Variants in DENND1A observed in about 807,000 individuals in gnomAD.
DENND1A encodes DENN domain-containing protein 1A.
DENND1A carries 51 observed loss-of-function variants against 113.7 expected under a neutral mutation model. The observed-to-expected ratio is 0.45, with a 90% CI of 0.36 to 0.57. The LOEUF is 0.57. DENND1A is among the 20% of genes least tolerant of loss of function. DENND1A has a pLI of 0.00. For synonymous variants in DENND1A, 565 were observed against 570.8 expected, an observed-to-expected ratio of 0.99 and a Z score of 0.14; for missense variants, 1,258 against 1,395.9, an observed-to-expected ratio of 0.90 and a Z score of 1.57.
chr9:123,807,623 T>C (rs1382904211), intron 2 of DENND1A, among the ~76,000 whole-genome samples: 2 of 152,124 alleles, frequency 1.3e-5, no homozygotes. Flanking sequence ...CAGCACAGAG[T>C]AGGCTGCCTT....
intron 19 of DENND1A, chr9:123,414,732 A>C: frequency 8.9e-7 from 1 of 1,129,438 alleles, no homozygotes; most frequent in Non-Finnish European, 1.3e-6. Context: ...ACCCATGAAT[A>C]TCCCCTGGAA....
chr9:123,428,476 C>T (rs2045905148), intron 19 of DENND1A, among the ~76,000 whole-genome samples: 1 of 152,160 alleles, frequency 6.6e-6, no homozygotes, highest in Non-Finnish European at 1.5e-5. Context: ...GTAACATTCC[C>T]CTTGAAAACC....
intron 12 of DENND1A, among the ~76,000 whole-genome samples, chr9:123,558,105 C>A (rs2057530562): frequency 6.6e-6 from 1 of 152,184 alleles, no homozygotes; most frequent in Admixed American, 6.5e-5. Flanking sequence ...TTACTCCATG[C>A]CAGGTAAGCA....
intron 19 of DENND1A, chr9:123,414,279 G>A: frequency 7.4e-7 from 1 of 1,343,236 alleles, no homozygotes; most frequent in Non-Finnish European, 9.5e-7. Flanking sequence ...TGGACGTCAG[G>A]TTCTTTGCAC....
chr9:123,903,642 C>A (rs1204902366), intron 1 of DENND1A, among the ~76,000 whole-genome samples: 1 of 152,136 alleles, frequency 6.6e-6, no homozygotes, highest in Non-Finnish European at 1.5e-5. Flanking sequence ...TCACTCCCAC[C>A]CGAATATTGC....
intron 1 of DENND1A, among the ~76,000 whole-genome samples, chr9:123,903,851 G>A (rs1195513361): frequency 3.9e-5 from 6 of 152,110 alleles, no homozygotes; most frequent in African/African-American, 1.2e-4. Context: ...CAGGAAGCTC[G>A]AACTGGGTGG....
intron 13 of DENND1A, among the ~76,000 whole-genome samples, chr9:123,530,171 G>A (rs933051212): frequency 6.6e-6 from 1 of 152,140 alleles, no homozygotes; most frequent in African/African-American, 2.4e-5. Context: ...AGTATTTGAA[G>A]AGATAATGCC....
intron 21 of DENND1A, among the ~76,000 whole-genome samples, chr9:123,394,323 C>A (rs147526965): frequency 2.5e-4 from 38 of 152,246 alleles, no homozygotes; most frequent in African/African-American, 9.1e-4. Flanking sequence ...GACCTGGAGG[C>A]ATCTCCGAGA....
At chr9:123,796,697 A>G (rs1195520982) in intron 2 of DENND1A, among the ~76,000 whole-genome samples, 2 of 151,852 alleles carry the variant, frequency 1.3e-5, no homozygotes, top group Non-Finnish European at 2.9e-5. Context: ...AATAATTCAT[A>G]AAAGTGCTGT....
At position 123,452,453 on chromosome 9, in the gene DENND1A, T is replaced by TA. The variant is rs1157988734; in HGVS notation, c.1228-107dup. ...AGTTAAGCAACATTTCAAAGGTATGTAAATGCACATCGAGAAATAGGCCTG... is the reference window on the plus strand; with the variant it reads ...AGTTAAGCAACATTTCAAAGGTATGTAAAATGCACATCGAGAAATAGGCCTG... On this transcript the variant is annotated intron_variant, in intron 16 of 23. Coordinates refer to ENST00000394215, the MANE Select transcript of DENND1A (RefSeq NM_001352964.2). 3.4e-6 allele frequency: 3 copies of TA among 893,860 alleles called. No homozygotes were observed. The East Asian group carries it at 7.5e-5, about 22-fold the overall frequency. The allele number at this position is 893,860 out of a possible 1,614,324, so 55.4% of individuals were successfully genotyped here.
chr9:123,838,946 A>T (rs1223950955), intron 2 of DENND1A, among the ~76,000 whole-genome samples: 1 of 152,190 alleles, frequency 6.6e-6, no homozygotes, highest in Non-Finnish European at 1.5e-5. Context: ...GTGTATTATC[A>T]TCTCCACAAA....
chr9:123,698,811 C>A (rs2065690065), intron 5 of DENND1A, among the ~76,000 whole-genome samples: 1 of 152,220 alleles, frequency 6.6e-6, no homozygotes, highest in Non-Finnish European at 1.5e-5. Context: ...TGCACACCTA[C>A]ACAGGCTTTG....
chr9:123,529,943 T>A (rs997145444), intron 13 of DENND1A, among the ~76,000 whole-genome samples: 1 of 152,198 alleles, frequency 6.6e-6, no homozygotes, highest in African/African-American at 2.4e-5. Context: ...ATCTGAAATT[T>A]TTCTTGTTTG....
chr9:123,684,171 C>A (rs2064656085), intron 5 of DENND1A, among the ~76,000 whole-genome samples: 1 of 152,186 alleles, frequency 6.6e-6, no homozygotes, highest in Non-Finnish European at 1.5e-5. Flanking sequence ...CAAAACCAGG[C>A]TGATGACAAT....
chr9:123,401,933 C>T, intron 21 of DENND1A: 3 of 1,614,130 alleles, frequency 1.9e-6, no homozygotes, highest in South Asian at 1.1e-5. Flanking sequence ...CAAGAATATT[C>T]TGGGTTTACA....
At chr9:123,580,506 T>C (rs2058837098) in intron 12 of DENND1A, among the ~76,000 whole-genome samples, 1 of 152,236 alleles carries the variant, frequency 6.6e-6, no homozygotes. Context: ...GCAGTGCAGG[T>C]GGGACCAGTC....
rs1352368551 is a variant in DENND1A, at chr9:123,387,891, A to G, written c.1632-33T>C. The G allele has an allele frequency of 2.3e-6, 3 of 1,284,128 alleles. No homozygotes were observed. The African/African-American group carries it at 4.6e-5, about 20-fold the overall frequency. The allele number at this position is 1,284,128 out of a possible 1,614,324, so 79.5% of individuals were successfully genotyped here. A position where few individuals can be genotyped will look rare whatever the true frequency, so the allele number is the denominator to read the frequency against. On this transcript the variant is annotated intron_variant, in intron 21 of 23. Transcript: ENST00000394215. The stretch of plus-strand genomic sequence containing the variant: ...AGAGGAAGACAAAAGAGAAGAGAAC[A>G]GGCAGTTAGGGGCGCCCTCAGAACT...
chr9:123,559,650 A>T (rs1256445546), intron 12 of DENND1A, among the ~76,000 whole-genome samples: 1 of 152,232 alleles, frequency 6.6e-6, no homozygotes, highest in African/African-American at 2.4e-5. Context: ...CAAGCTTCTG[A>T]TAAGAAAAAC....
chr9:123,553,072 T>C (rs569966828), intron 13 of DENND1A, among the ~76,000 whole-genome samples: 6 of 152,128 alleles, frequency 3.9e-5, no homozygotes, highest in South Asian at 2.1e-4. Context: ...CTGGGCAACA[T>C]AGCAAGACCT....
Sources: allele counts gnomAD v4.1 joint callset (sites outside exome capture counted in the v4.1 genomes callset), GRCh38; gene constraint gnomAD v4.1.1; transcripts MANE v1.5; gene names NCBI Gene and HGNC (gene_info 2026-07-23, HGNC 2026-07-21).